RALGPS2: variants seen among roughly 807,000 people sequenced by gnomAD.
RALGPS2 encodes the protein ras-specific guanine nucleotide-releasing factor RalGPS2.
A neutral mutation model predicts 86.8 loss-of-function variants in RALGPS2; 43 were observed. The ratio of observed to expected loss-of-function variants is 0.50; its 90% confidence interval spans 0.39 to 0.64. The LOEUF is 0.64. Among genes scored for constraint, RALGPS2 ranks in the 30% least tolerant of loss-of-function variants. The pLI is 0.00. For missense variants in RALGPS2, 536 were observed against 694.6 expected, an observed-to-expected ratio of 0.77 and a Z score of 2.57; for synonymous variants, 243 against 231.3, an observed-to-expected ratio of 1.05 and a Z score of -0.46.
At position 178,902,152 on chromosome 1, in the gene RALGPS2, T is replaced by C. The variant is rs1247865603; in HGVS notation, c.1571T>C (p.Val524Ala). Residue 524 changes from valine to alanine, a missense_variant, in exon 18 of 20, where the codon GTG becomes GCG. By Grantham distance (64) the Val-to-Ala change is moderately conservative. Around this residue, in one of 3 missense-constraint regions of RALGPS2, gnomAD observed 309 missense variants for 363.0 expected, o/e 0.85. Transcript: ENST00000367635. ...AACGTATCTGTGATAGGATGGATGG[T>C]GATGATGGCTGATGACCCTGAACAT... ...NKNVSVIGWM[V>A]MMADDPEHPD... 1 of 1,613,050 alleles carries C rather than the reference T, an allele frequency of 6.2e-7. No homozygotes were observed. Among genetic ancestry groups the C allele is most frequent in the Admixed American group, 1.7e-5 (1 of 59,910 alleles).
intron 1 of RALGPS2, among the ~76,000 whole-genome samples, chr1:178,736,188 CAG>C (rs949056628): frequency 2.1e-5 from 3 of 143,536 alleles, no homozygotes; most frequent in Non-Finnish European, 4.5e-5. Context: ...TTTTCTGAGA[CAG>C]AGTCTCACTG....
intron 1 of RALGPS2, among the ~76,000 whole-genome samples, chr1:178,751,359 C>T (rs1651646519): frequency 6.6e-6 from 1 of 152,038 alleles, no homozygotes; most frequent in Non-Finnish European, 1.5e-5. Flanking sequence ...TCTTCCTTGG[C>T]AGACAGAAGT....
chr1:178,736,080 C>T (rs976509585), intron 1 of RALGPS2, among the ~76,000 whole-genome samples: 1 of 151,676 alleles, frequency 6.6e-6, no homozygotes, highest in African/African-American at 2.4e-5. Context: ...TTCTCTATGC[C>T]CTTAATCACT....
rs944153460 is a variant in RALGPS2 at position 178,869,876 on chromosome 1, A to C, written c.608-7622A>C. Among the ~76,000 whole-genome samples, 8 of 152,106 alleles carry C rather than the reference A, an allele frequency of 5.3e-5. No homozygotes were observed. The South Asian group carries it at 6.2e-4, about 12-fold the overall frequency. On this transcript the variant is annotated intron_variant, in intron 8 of 19. Coordinates refer to ENST00000367635, the MANE Select transcript of RALGPS2 (RefSeq NM_152663.5). ...ATAGTTTTTATAATGCATGTAAAAA[A>C]AGCTCCCAGATAGAATATTGAAGGA...
chr1:178,832,601 T>C (rs1645927354), intron 7 of RALGPS2, among the ~76,000 whole-genome samples: 2 of 152,098 alleles, frequency 1.3e-5, no homozygotes, highest in Non-Finnish European at 2.9e-5. Flanking sequence ...TAGGTGGAAA[T>C]GTTTTGCATG....
chr1:178,822,972 C>G (rs1186227937), intron 7 of RALGPS2, among the ~76,000 whole-genome samples: 2 of 152,154 alleles, frequency 1.3e-5, no homozygotes, highest in African/African-American at 2.4e-5. Flanking sequence ...GCACATGCCA[C>G]CATGCCCAAC....
intron 8 of RALGPS2, among the ~76,000 whole-genome samples, chr1:178,841,346 A>G (rs1178638128): frequency 6.7e-6 from 1 of 148,458 alleles, no homozygotes; most frequent in Non-Finnish European, 1.5e-5. Flanking sequence ...CTGGTTCAAT[A>G]TATGCAAATC....
At position 178,736,181 on chromosome 1, in the gene RALGPS2, T is replaced by TC. The variant is rs372108179; in HGVS notation, c.-84+10763dup. ...TTGTGGGTTGTTTTTTTTTTTTTTT[T>TC]CTGAGACAGAGTCTCACTGTGTCGC... On this transcript the variant is annotated intron_variant, in intron 1 of 19. Coordinates refer to ENST00000367635, the MANE Select transcript of RALGPS2 (RefSeq NM_152663.5). Among the ~76,000 whole-genome samples the TC allele has an allele frequency of 1.2e-3, 177 of 148,502 alleles. No homozygotes were observed. In the East Asian group the frequency reaches 0.013, roughly 11 times the overall value.
intron 6 of RALGPS2, among the ~76,000 whole-genome samples, chr1:178,812,077 A>G (rs866957391): frequency 6.6e-6 from 1 of 152,186 alleles, no homozygotes; most frequent in Non-Finnish European, 1.5e-5. Context: ...AAGACAAGTT[A>G]ATGAGAGAAA....
intron 1 of RALGPS2, among the ~76,000 whole-genome samples, chr1:178,752,453 T>C (rs1651736130): frequency 6.6e-6 from 1 of 152,110 alleles, no homozygotes; most frequent in Admixed American, 6.6e-5. Flanking sequence ...GTGAGCCATG[T>C]TGCCTGGCCA....
chr1:178,918,189 G>T lies in RALGPS2; in HGVS notation c.*1830G>T, dbSNP rs997839714. On this transcript the variant is annotated 3_prime_UTR_variant, in exon 20 of 20. Transcript: ENST00000367635. ...AGGACAAAAGTTTCCTGTCCTGAAT[G>T]ATTTTTCAATTAATGCTCTAAGCTT... The T allele has an allele frequency of 2.0e-5, 3 of 152,072 alleles. No homozygotes were observed. Among genetic ancestry groups the T allele is most frequent in the Non-Finnish European group, 4.4e-5 (3 of 67,968 alleles). The allele number at this position is 152,072 out of a possible 1,614,324, so 9.4% of individuals were successfully genotyped here. A position where few individuals can be genotyped will look rare whatever the true frequency, so the allele number is the denominator to read the frequency against.
chr1:178,865,111 A>ATG (rs758974555), intron 8 of RALGPS2: 1 of 1,575,894 alleles, frequency 6.3e-7, no homozygotes, highest in East Asian at 2.2e-5. Flanking sequence ...TGTTAGGAAT[A>ATG]TGTTGTGGCA....
At chr1:178,863,886 C>A (rs1428978386) in intron 8 of RALGPS2, among the ~76,000 whole-genome samples, 1 of 152,152 alleles carries the variant, frequency 6.6e-6, no homozygotes, top group Non-Finnish European at 1.5e-5. Context: ...TGATATATTT[C>A]TTTCTAGTCT....
chr1:178,852,547 A>G (rs1657244054), intron 8 of RALGPS2: 1 of 768,772 alleles, frequency 1.3e-6, no homozygotes, highest in Non-Finnish European at 2.0e-6. Context: ...TTCTTTCAGT[A>G]GGTTGGTTGT....
At chr1:178,742,769 A>G (rs1217193918) in intron 1 of RALGPS2, among the ~76,000 whole-genome samples, 2 of 152,256 alleles carry the variant, frequency 1.3e-5, no homozygotes, top group Non-Finnish European at 2.9e-5. Flanking sequence ...ATCTGATCAC[A>G]GTGTAATTCA....
At chr1:178,764,985 A>G (rs1652425644) in intron 1 of RALGPS2, among the ~76,000 whole-genome samples, 2 of 151,986 alleles carry the variant, frequency 1.3e-5, no homozygotes, top group South Asian at 4.1e-4. Flanking sequence ...CCAGATCCCC[A>G]CTTTGTGCTC....
At chr1:178,888,495 A>G (rs1244022359) in intron 13 of RALGPS2, among the ~76,000 whole-genome samples, 1 of 152,176 alleles carries the variant, frequency 6.6e-6, no homozygotes, top group East Asian at 1.9e-4. Flanking sequence ...TAGCTAACTA[A>G]GAGAAGCATA....
chr1:178,785,528 G>A (rs919482165), intron 3 of RALGPS2, 29 bp from the exon 4 acceptor site: 13 of 1,563,486 alleles, frequency 8.3e-6, no homozygotes, highest in African/African-American at 1.4e-5. Context: ...TTCCAAAGAA[G>A]AAATTGTCAT....
chr1:178,774,281 AAAAT>A (rs1652969507), intron 1 of RALGPS2, among the ~76,000 whole-genome samples: 1 of 152,126 alleles, frequency 6.6e-6, no homozygotes, highest in African/African-American at 2.4e-5. Flanking sequence ...CTCAAAAAAA[AAAAT>A]AAAAGGAGAG....
Sources: gnomAD v4.1 joint callset for allele counts (sites outside exome capture counted in the v4.1 genomes callset) on GRCh38, gnomAD v4.1.1 for gene constraint, gnomAD v4.1.1 regional missense constraint, MANE v1.5 for transcripts, NCBI Gene and HGNC (gene_info 2026-07-23, HGNC 2026-07-21) for gene names.